PRICKLE2: variants seen among roughly 807,000 people sequenced by gnomAD.
PRICKLE2 encodes the protein prickle-like protein 2.
A neutral mutation model predicts 81.4 loss-of-function variants in PRICKLE2; 21 were observed. The ratio of observed to expected loss-of-function variants is 0.26; its 90% CI spans 0.18 to 0.37. PRICKLE2 has a LOEUF of 0.37. Ranked by LOEUF, PRICKLE2 falls within the 10% of genes least tolerant of loss-of-function variation. PRICKLE2 has a pLI of 1.00. For synonymous variants in PRICKLE2, 456 were observed against 421.5 expected (o/e 1.08, Z -1.00); for missense variants, 940 against 1,109.0 (o/e 0.85, Z 2.16).
intron 7 of PRICKLE2, chr3:64,102,331 A>T (rs1195647873): frequency 6.6e-6 from 1 of 152,284 alleles, no homozygotes; most frequent in Non-Finnish European, 1.5e-5. Context: ...CTTCATCTGC[A>T]TGTACAGCCA....
In PRICKLE2 at chr3:64,178,983, C is replaced by CTTTCTTTCTTTCT. The variant is rs1559559420; in HGVS notation, c.145-15867_145-15855dup. Reference sequence around the variant, plus strand: ...ACATATTTTCTTTCTTTCTTTCTTTCTTTCTTTCTTTCTTTCTTTCTTTCT... The same window carrying CTTTCTTTCTTTCT: ...ACATATTTTCTTTCTTTCTTTCTTTCTTTCTTTCTTTCTTTTCTTTCTTTCTTTCTTTCTTTCT... On this transcript the variant is annotated intron_variant, in intron 2 of 7. Coordinates refer to ENST00000638394, the MANE Select transcript of PRICKLE2 (RefSeq NM_198859.4). Among the ~76,000 whole-genome samples the CTTTCTTTCTTTCT allele has an allele frequency of 3.0e-5, 4 of 131,474 alleles. No individual in the cohort carries two copies. The East Asian group carries it at 9.1e-4, about 30-fold the overall frequency. 86.3% of individuals were successfully genotyped at this position (131,474 alleles called of 152,430 possible).
In PRICKLE2 at chr3:64,198,857, G is replaced by C; in HGVS notation, c.71C>G (p.Ser24Trp). ...SKLMFDFQRNSTSDDDSGCAL... is the reference protein window; with the variant it reads ...SKLMFDFQRNWTSDDDSGCAL... ...ACAGCCTGAGTCATCATCTGAGGTC[G>C]AGTTCCTCTGAAAGTCAAACATGAG... Residue 24 changes from serine to tryptophan, a missense_variant, in exon 2 of 8, where the codon TCG (serine) becomes TGG (tryptophan). Physicochemically the swap from Ser to Trp is radical, Grantham distance 177. Coordinates refer to ENST00000638394, the MANE Select transcript of PRICKLE2 (RefSeq NM_198859.4). 1.2e-6 allele frequency: 2 copies of C among 1,614,152 alleles called. No individual in the cohort carries two copies. Among genetic ancestry groups the C allele is most frequent in the Non-Finnish European group, 1.7e-6 (2 of 1,180,028 alleles).
chr3:64,186,352 G>C (rs1333365021), intron 2 of PRICKLE2, among the ~76,000 whole-genome samples: 1 of 152,190 alleles, frequency 6.6e-6, no homozygotes, highest in Non-Finnish European at 1.5e-5. Flanking sequence ...TTGGGGAGGT[G>C]AATTAACTTG....
intron 2 of PRICKLE2, among the ~76,000 whole-genome samples, chr3:64,174,029 AAAC>A (rs1451784210): frequency 2.6e-5 from 4 of 152,298 alleles, no homozygotes; most frequent in South Asian, 2.1e-4. Flanking sequence ...TGAAGAAGAA[AAAC>A]AACAACAAAA....
At chr3:64,132,783 T>C (rs1168630058) in intron 7 of PRICKLE2, among the ~76,000 whole-genome samples, 1 of 152,184 alleles carries the variant, frequency 6.6e-6, no homozygotes, top group Non-Finnish European at 1.5e-5. Flanking sequence ...CCCTCTTAAA[T>C]TGCTACTCTA....
chr3:64,196,189 C>T (rs571435279), intron 2 of PRICKLE2, among the ~76,000 whole-genome samples: 7 of 152,282 alleles, frequency 4.6e-5, no homozygotes, highest in South Asian at 2.1e-4. Context: ...ATGAGTAGAA[C>T]GTTTTCTCTG....
intron 2 of PRICKLE2, among the ~76,000 whole-genome samples, chr3:64,193,596 C>T (rs1033092501): frequency 3.9e-5 from 6 of 152,182 alleles, no homozygotes; most frequent in African/African-American, 1.4e-4. Flanking sequence ...AAATATACTC[C>T]TACACACATA....
chr3:64,196,644 C>T (rs896790622), intron 2 of PRICKLE2, among the ~76,000 whole-genome samples: 9 of 152,108 alleles, frequency 5.9e-5, no homozygotes, highest in African/African-American at 2.2e-4. Context: ...AGAGAATTGC[C>T]TTCAATTCTC....
intron 6 of PRICKLE2, among the ~76,000 whole-genome samples, chr3:64,149,967 A>ACCT (rs2077517893): frequency 1.9e-5 from 2 of 106,282 alleles, no homozygotes; most frequent in Non-Finnish European, 3.6e-5. Context: ...AATCAACTCC[A>ACCT]TCTTTTTTTT....
rs1430567606 is a variant in PRICKLE2 at position 64,097,660 on chromosome 3, GC to G, written c.*1390del. 2 of 152,560 alleles carry G rather than the reference GC, an allele frequency of 1.3e-5. No individual in the cohort carries two copies. The highest frequency in any genetic ancestry group is 4.8e-5 in the African/African-American group (2 of 41,422). 9.5% of individuals were successfully genotyped at this position (152,560 alleles called of 1,614,324 possible). A position where few individuals can be genotyped will look rare whatever the true frequency, so the allele number is the denominator to read the frequency against. ...AAAATGGAAATACCCTCCCAACAAA[GC>G]CTGTTTTTTTAAAGACATTGCACCA... On this transcript the variant is annotated 3_prime_UTR_variant, in exon 8 of 8. Coordinates refer to ENST00000638394, the MANE Select transcript of PRICKLE2 (RefSeq NM_198859.4).
At chr3:64,245,612 G>A (rs1026980610) in intron 2 of PRICKLE2, among the ~76,000 whole-genome samples, 11 of 152,208 alleles carry the variant, frequency 7.2e-5, no homozygotes, top group African/African-American at 2.7e-4. Context: ...TTTTGACCAG[G>A]CAATGTAAGT....
intron 7 of PRICKLE2, among the ~76,000 whole-genome samples, chr3:64,138,469 C>G (rs1386302930): frequency 6.6e-6 from 1 of 152,244 alleles, no homozygotes; most frequent in Admixed American, 6.5e-5. Context: ...CAGTGACTGA[C>G]AGCCCTCCTG....
chr3:64,151,731 C>T (rs918097863), intron 6 of PRICKLE2, among the ~76,000 whole-genome samples: 7 of 152,232 alleles, frequency 4.6e-5, no homozygotes, highest in African/African-American at 1.7e-4. Flanking sequence ...TCTCCCCTTC[C>T]ACACACGTCT....
chr3:64,164,834 G>C (rs1328509447), intron 2 of PRICKLE2, among the ~76,000 whole-genome samples: 1 of 152,214 alleles, frequency 6.6e-6, no homozygotes, highest in Admixed American at 6.5e-5. Flanking sequence ...CAGATCACTA[G>C]TTAGTTTGGG....
intron 7 of PRICKLE2, among the ~76,000 whole-genome samples, chr3:64,110,888 G>A (rs1403036218): frequency 6.7e-6 from 1 of 149,498 alleles, no homozygotes; most frequent in East Asian, 2.0e-4. Flanking sequence ...CGTGAATCCA[G>A]GAGGCGGAGC....
chr3:64,242,675 C>T (rs996541489), intron 2 of PRICKLE2, among the ~76,000 whole-genome samples: 4 of 152,264 alleles, frequency 2.6e-5, no homozygotes, highest in African/African-American at 9.6e-5. Context: ...TCCCCCTACA[C>T]TCACATTGGG....
At chr3:64,230,058 C>T (rs1369492490), upstream of PRICKLE2, among the ~76,000 whole-genome samples, 1 of 152,142 alleles carries the variant, frequency 6.6e-6, no homozygotes, top group Non-Finnish European at 1.5e-5. Context: ...GAATAATTTC[C>T]AAGTTACAAC....
chr3:64,092,456 A>T lies in PRICKLE2; in HGVS notation c.*6595T>A, dbSNP rs1433594758. ...CATTATTGTATTCCAAGCACCTAGA[A>T]CGGTTCCTGGCTAGAGAAAGCCTTT... On this transcript the variant is annotated 3_prime_UTR_variant, in exon 8 of 8. Coordinates refer to ENST00000638394, the MANE Select transcript of PRICKLE2 (RefSeq NM_198859.4). 6.6e-6 allele frequency: 1 copy of T among 152,048 alleles called. No homozygotes were observed. The highest frequency in any genetic ancestry group is 1.5e-5 in the Non-Finnish European group (1 of 67,958). 9.4% of individuals were successfully genotyped at this position (152,048 alleles called of 1,614,324 possible). A position where few individuals can be genotyped will look rare whatever the true frequency, so the allele number is the denominator to read the frequency against.
intron 7 of PRICKLE2, among the ~76,000 whole-genome samples, chr3:64,142,447 A>G (rs534957524): frequency 1.3e-5 from 2 of 151,754 alleles, no homozygotes; most frequent in Admixed American, 6.6e-5. Flanking sequence ...AAAAGCTGGA[A>G]CTACAGTCAT....
Sources: allele counts gnomAD v4.1 joint callset (sites outside exome capture counted in the v4.1 genomes callset), GRCh38; gene constraint gnomAD v4.1.1; transcripts MANE v1.5; gene names NCBI Gene and HGNC (gene_info 2026-07-23, HGNC 2026-07-21).